The following PPFIA2 variants were observed in gnomAD, a reference collection of about 807,000 sequenced individuals.
PPFIA2 encodes PPFI scaffold protein A2, also known as liprin-alpha-2.
A neutral mutation model predicts 175.5 loss-of-function variants in PPFIA2; 46 were observed. The ratio of observed to expected loss-of-function variants is 0.26; its 90% CI spans 0.21 to 0.34. The LOEUF is 0.34. PPFIA2 is among the 10% of genes least tolerant of loss of function. The probability of loss-of-function intolerance (pLI) is 1.00; values close to 1 mark genes in which losing one functional copy is unlikely to be tolerated. For synonymous variants in PPFIA2, 568 were observed against 511.4 expected, an observed-to-expected ratio of 1.11 and a Z score of -1.49; for missense variants, 1,179 against 1,506.1, an observed-to-expected ratio of 0.78 and a Z score of 3.60.
chr12:81,468,746 A>G (rs192498800), intron 4 of PPFIA2, among the ~76,000 whole-genome samples: 3 of 152,322 alleles, frequency 2.0e-5, no homozygotes, highest in African/African-American at 7.2e-5. Context: ...AGTGGGTGCT[A>G]TAAAAGTTGT....
chr12:81,537,175 A>G (rs2065521608), intron 4 of PPFIA2, among the ~76,000 whole-genome samples: 1 of 151,788 alleles, frequency 6.6e-6, no homozygotes, highest in Non-Finnish European at 1.5e-5. Flanking sequence ...ACTTGTAGAG[A>G]AACCAGGCAA....
At chr12:81,693,391 C>G (rs1205731597) in intron 3 of PPFIA2, among the ~76,000 whole-genome samples, 2 of 151,940 alleles carry the variant, frequency 1.3e-5, no homozygotes, top group Non-Finnish European at 2.9e-5. Flanking sequence ...AACCTCCCCT[C>G]TAACTTTCTT....
intron 4 of PPFIA2, among the ~76,000 whole-genome samples, chr12:81,627,382 C>T (rs982461952): frequency 3.3e-5 from 5 of 152,172 alleles, no homozygotes; most frequent in African/African-American, 1.2e-4. Flanking sequence ...ATACTTATAA[C>T]AAAATATCTC....
chr12:81,269,687 G>A (rs1196391670), intron 28 of PPFIA2, among the ~76,000 whole-genome samples: 2 of 152,072 alleles, frequency 1.3e-5, no homozygotes, highest in African/African-American at 4.8e-5. Flanking sequence ...CGCCTTGCCC[G>A]ATTTATTTTT....
chr12:81,436,738 CTT>C (rs2049128728), intron 7 of PPFIA2, among the ~76,000 whole-genome samples: 1 of 152,220 alleles, frequency 6.6e-6, no homozygotes, highest in South Asian at 2.1e-4. Context: ...AAAGTTGACT[CTT>C]TTCTAATTAC....
At chr12:81,516,738 C>T (rs2062492903) in intron 4 of PPFIA2, among the ~76,000 whole-genome samples, 1 of 152,192 alleles carries the variant, frequency 6.6e-6, no homozygotes, top group Non-Finnish European at 1.5e-5. Flanking sequence ...TTTTAGCATC[C>T]AGACTGTGAG....
chr12:81,633,096 C>T (rs1434761795), intron 4 of PPFIA2, among the ~76,000 whole-genome samples: 3 of 152,102 alleles, frequency 2.0e-5, no homozygotes, highest in Non-Finnish European at 1.5e-5. Context: ...ATAATCACGT[C>T]TAGTAAATGA....
chr12:81,605,704 A>G (rs2060238709), intron 4 of PPFIA2, among the ~76,000 whole-genome samples: 1 of 149,632 alleles, frequency 6.7e-6, no homozygotes, highest in Non-Finnish European at 1.5e-5. Context: ...ATCTGTCTAT[A>G]ATTTCTCTAT....
intron 2 of PPFIA2, among the ~76,000 whole-genome samples, chr12:81,757,638 A>C (rs973761041): frequency 6.6e-6 from 1 of 152,206 alleles, no homozygotes. Flanking sequence ...ACTGTCTTTT[A>C]AATTTCTCAG....
rs536275475 is a variant in PPFIA2, at chr12:81,352,464, C to T, written c.1994+655G>A. 4.6e-5 allele frequency among the ~76,000 whole-genome samples: 7 copies of T among 151,110 alleles called. No individual in the cohort carries two copies. In the South Asian group the frequency reaches 1.3e-3, roughly 27 times the overall value. ...TCTCTCTCCCCCCACTGTCTTTCTG[C>T]CTCCCACTGCCTGCCTCACTTTCCC... On this transcript the variant is annotated intron_variant, in intron 17 of 32. Transcript: ENST00000549396.
rs148961339 is a variant in PPFIA2, at chr12:81,439,147, T to TTC, written c.645+823_645+824dup. 6.1e-4 allele frequency among the ~76,000 whole-genome samples: 90 copies of TTC among 147,908 alleles called. 1 individual carries two copies. Among genetic ancestry groups the TTC allele is most frequent in the South Asian group, 6.0e-3 (28 of 4,666 alleles). Reference sequence around the variant, plus strand: ...TTTTAATGGCTGACACAGGTTAAACTTCTCTCTCTCTCTCTCTCCCTCTCT... The same window carrying TTC: ...TTTTAATGGCTGACACAGGTTAAACTTCTCTCTCTCTCTCTCTCTCCCTCTCT... On this transcript the variant is annotated intron_variant, in intron 7 of 32. Transcript: ENST00000549396.
At chr12:81,497,400 G>A (rs1264944070) in intron 4 of PPFIA2, among the ~76,000 whole-genome samples, 2 of 151,802 alleles carry the variant, frequency 1.3e-5, no homozygotes, top group African/African-American at 2.4e-5. Context: ...CTCTTCATTA[G>A]GGCAAAGTTT....
At chr12:81,350,018 T>A (rs1331244286) in intron 17 of PPFIA2, among the ~76,000 whole-genome samples, 1 of 152,178 alleles carries the variant, frequency 6.6e-6, no homozygotes, top group African/African-American at 2.4e-5. Flanking sequence ...ATTTCATGTA[T>A]TTTTAAAATC....
intron 4 of PPFIA2, among the ~76,000 whole-genome samples, chr12:81,513,553 T>C (rs903768295): frequency 5.3e-5 from 8 of 152,122 alleles, no homozygotes; most frequent in African/African-American, 1.9e-4. Flanking sequence ...ATTTTAGATT[T>C]ATAGAAGAGC....
At chr12:81,290,784 A>C (rs1353811053) in intron 24 of PPFIA2, among the ~76,000 whole-genome samples, 1 of 151,884 alleles carries the variant, frequency 6.6e-6, no homozygotes, top group Non-Finnish European at 1.5e-5. Context: ...AAGAATATGC[A>C]TTCCGTATAC....
rs140659200 is a variant in PPFIA2, at chr12:81,683,948, C to G, written c.250-7104G>C. On this transcript the variant is annotated intron_variant, in intron 3 of 32. Transcript: ENST00000549396. ...GAGGTGCCAGGCTCTTTGTAACAACCAGCTCTCATGGGAACTAATAAAGAG... is the reference window on the plus strand; with the variant it reads ...GAGGTGCCAGGCTCTTTGTAACAACGAGCTCTCATGGGAACTAATAAAGAG... Among the ~76,000 whole-genome samples the G allele has an allele frequency of 5.3e-3, 809 of 152,100 alleles. 1 individual carries two copies. Among genetic ancestry groups the G allele is most frequent in the Middle Eastern group, 0.034 (10 of 294 alleles).
intron 3 of PPFIA2, among the ~76,000 whole-genome samples, chr12:81,703,493 C>T (rs1171031362): frequency 6.6e-6 from 1 of 152,084 alleles, no homozygotes. Flanking sequence ...ACTACTGCTG[C>T]TCAACTGTAC....
chr12:81,637,913 G>A (rs1289347755), intron 4 of PPFIA2, among the ~76,000 whole-genome samples: 3 of 152,034 alleles, frequency 2.0e-5, no homozygotes, highest in Non-Finnish European at 1.5e-5. Context: ...ATCTTTAAAA[G>A]GTATAGGTAT....
intron 3 of PPFIA2, among the ~76,000 whole-genome samples, chr12:81,746,250 A>G (rs2083053755): frequency 6.9e-6 from 1 of 144,780 alleles, no homozygotes; most frequent in African/African-American, 2.4e-5. Context: ...GTAACTACAT[A>G]AGGAATTGGC....
Sources: allele counts gnomAD v4.1 joint callset (sites outside exome capture counted in the v4.1 genomes callset), GRCh38; gene constraint gnomAD v4.1.1; transcripts MANE v1.5; gene names NCBI Gene and HGNC (gene_info 2026-07-23, HGNC 2026-07-21).